RPS6KC1: variants seen among roughly 807,000 people sequenced by gnomAD.
RPS6KC1 encodes inactive ribosomal protein S6 kinase delta-1.
A neutral mutation model predicts 103.8 loss-of-function variants in RPS6KC1; 54 were observed. The observed-to-expected ratio is 0.52, with a 90% confidence interval of 0.42 to 0.65. The LOEUF (loss-of-function observed/expected upper bound fraction) is 0.65, where lower values mean the gene tolerates loss of function less well. RPS6KC1 is among the 30% of genes least tolerant of loss of function. RPS6KC1 has a pLI of 0.00. For synonymous variants in RPS6KC1, 439 were observed against 438.7 expected, an observed-to-expected ratio of 1.00 and a Z score of -0.01; for missense variants, 1,151 against 1,253.8, an observed-to-expected ratio of 0.92 and a Z score of 1.24.
the RPS6KC1 span, among the ~76,000 whole-genome samples, chr1:213,816,426 C>T: frequency 6.6e-6 from 1 of 152,220 alleles, no homozygotes; most frequent in South Asian, 2.1e-4. Flanking sequence ...CACCAACAAG[C>T]TCACATTTTC....
chr1:213,069,882 A>G (rs1469311085), intron 1 of RPS6KC1, among the ~76,000 whole-genome samples: 1 of 152,168 alleles, frequency 6.6e-6, no homozygotes, highest in African/African-American at 2.4e-5. Context: ...CTAATTTAGG[A>G]TGCTGTTTGA....
At chr1:213,690,919 G>T in the RPS6KC1 span, among the ~76,000 whole-genome samples, 2 of 152,122 alleles carry the variant, frequency 1.3e-5, no homozygotes, top group Admixed American at 1.3e-4. Flanking sequence ...CCTGGCTGTT[G>T]TCTTCTTTAT....
chr1:213,465,227 T>G, the RPS6KC1 span, among the ~76,000 whole-genome samples: 2 of 152,190 alleles, frequency 1.3e-5, no homozygotes, highest in Non-Finnish European at 2.9e-5. Flanking sequence ...CTCTAGGGAA[T>G]ATGACTCAAA....
the RPS6KC1 span, among the ~76,000 whole-genome samples, chr1:213,860,382 G>C: frequency 6.7e-6 from 1 of 149,622 alleles, no homozygotes; most frequent in Non-Finnish European, 1.5e-5. Context: ...CAATTCTTGA[G>C]TGGCAAAATT....
At chr1:213,079,368 T>C (rs1234891273) in intron 3 of RPS6KC1, among the ~76,000 whole-genome samples, 1 of 152,160 alleles carries the variant, frequency 6.6e-6, no homozygotes, top group Non-Finnish European at 1.5e-5. Flanking sequence ...GTCTCATTGT[T>C]TTAAATAATT....
At chr1:213,159,371 A>G (rs180958111) in intron 6 of RPS6KC1, among the ~76,000 whole-genome samples, 1 of 152,348 alleles carries the variant, frequency 6.6e-6, no homozygotes, top group African/African-American at 2.4e-5. Flanking sequence ...CTGCTTCAGT[A>G]GAAAGCTAGG....
At chr1:213,619,655 C>G in the RPS6KC1 span, among the ~76,000 whole-genome samples, 2 of 152,182 alleles carry the variant, frequency 1.3e-5, no homozygotes, top group Admixed American at 1.3e-4. Flanking sequence ...CCTTGCTACT[C>G]AAGGTATGGC....
chr1:213,287,318 C>G, the RPS6KC1 span, among the ~76,000 whole-genome samples: 1 of 151,602 alleles, frequency 6.6e-6, no homozygotes, highest in Non-Finnish European at 1.5e-5. Context: ...TGCTGGCTAT[C>G]GTGTCCATTT....
In RPS6KC1 at chr1:213,192,270, G is replaced by T. The variant is rs532077962; in HGVS notation, c.1044+15778G>T. The stretch of plus-strand genomic sequence containing the variant: ...GGTCATGATGAATGATCTTTTTAAT[G>T]TGTTGAATTTGCTTTGGTAGTATTT... On this transcript the variant is annotated intron_variant, in intron 8 of 14. Coordinates refer to ENST00000366960, the MANE Select transcript of RPS6KC1 (RefSeq NM_012424.6). 2.6e-5 allele frequency among the ~76,000 whole-genome samples: 4 copies of T among 152,278 alleles called. No homozygotes were observed. In the South Asian group the frequency reaches 8.3e-4, roughly 32 times the overall value.
the RPS6KC1 span, among the ~76,000 whole-genome samples, chr1:213,638,086 T>G: frequency 6.6e-6 from 1 of 152,120 alleles, no homozygotes; most frequent in African/African-American, 2.4e-5. Context: ...CCCAAAGTGC[T>G]AGAATTACAG....
the RPS6KC1 span, among the ~76,000 whole-genome samples, chr1:213,769,509 G>C: frequency 1.0e-5 from 1 of 95,864 alleles, no homozygotes; most frequent in Non-Finnish European, 2.3e-5. Context: ...GAGAGAGAGA[G>C]AGATGGACAG....
At chr1:213,704,799 G>T in the RPS6KC1 span, among the ~76,000 whole-genome samples, 1 of 152,214 alleles carries the variant, frequency 6.6e-6, no homozygotes. Flanking sequence ...AAAGACTTGG[G>T]TGTTGTGTTC....
intron 10 of RPS6KC1, among the ~76,000 whole-genome samples, chr1:213,235,492 G>C (rs556193875): frequency 1.3e-5 from 2 of 152,144 alleles, no homozygotes; most frequent in Non-Finnish European, 2.9e-5. Context: ...ATTTTATATA[G>C]GGTGGTCATC....
At chr1:213,453,724 G>A in the RPS6KC1 span, among the ~76,000 whole-genome samples, 6 of 152,176 alleles carry the variant, frequency 3.9e-5, no homozygotes, top group African/African-American at 1.4e-4. Context: ...AGTGCCTTTG[G>A]TTTTACAGGT....
At chr1:213,647,725 T>G in the RPS6KC1 span, among the ~76,000 whole-genome samples, 1 of 152,184 alleles carries the variant, frequency 6.6e-6, no homozygotes, top group African/African-American at 2.4e-5. Flanking sequence ...CCTAGTGCCT[T>G]AGGGACTTTT....
chr1:213,722,291 A>T, the RPS6KC1 span, among the ~76,000 whole-genome samples: 4 of 151,798 alleles, frequency 2.6e-5, no homozygotes, highest in African/African-American at 7.2e-5. Context: ...AACATGACAA[A>T]CTCCTCCAGT....
intron 3 of RPS6KC1, among the ~76,000 whole-genome samples, chr1:213,100,218 C>T (rs981507058): frequency 6.6e-6 from 1 of 151,982 alleles, no homozygotes; most frequent in Non-Finnish European, 1.5e-5. Flanking sequence ...GGCTAATAGG[C>T]TAAAGATTTT....
intron 3 of RPS6KC1, 78 bp from the exon 4 acceptor site, chr1:213,104,376 C>A: frequency 1.1e-6 from 1 of 910,524 alleles, no homozygotes; most frequent in Non-Finnish European, 1.7e-6. Flanking sequence ...CTGCTGCTTT[C>A]TGATCTGTGG....
the RPS6KC1 span, among the ~76,000 whole-genome samples, chr1:213,325,762 C>G: frequency 6.6e-6 from 1 of 152,348 alleles, no homozygotes; most frequent in East Asian, 1.9e-4. Flanking sequence ...AATTAGAGGC[C>G]TGACCTGGGA....
Sources: allele counts gnomAD v4.1 joint callset (sites outside exome capture counted in the v4.1 genomes callset), GRCh38; gene constraint gnomAD v4.1.1; transcripts MANE v1.5; gene names NCBI Gene and HGNC (gene_info 2026-07-23, HGNC 2026-07-21).